The following LRRIQ1 variants were observed in gnomAD, a reference collection of about 807,000 sequenced individuals.
The protein encoded by LRRIQ1 is leucine rich repeats and IQ motif containing 1, also known as leucine-rich repeat- and IQ domain-containing protein 1.
Under a neutral mutation model 211.9 loss-of-function variants are expected in LRRIQ1, and 210 were observed. The ratio of observed to expected loss-of-function variants is 0.99; its 90% CI spans 0.89 to 1.11. LRRIQ1 has a LOEUF of 1.11. LRRIQ1 is among the 50% of genes most tolerant of loss of function. The pLI is 0.00. For synonymous variants in LRRIQ1, 699 were observed against 650.1 expected (o/e 1.08, Z -1.14); for missense variants, 2,136 against 1,939.5 (o/e 1.10, Z -1.90).
At chr12:85,090,561 C>CT (rs1397598719) in intron 11 of LRRIQ1, among the ~76,000 whole-genome samples, 16 of 152,160 alleles carry the variant, frequency 1.1e-4, no homozygotes, top group African/African-American at 3.9e-4. Context: ...TATTTTGGAG[C>CT]TTTAAGATTT....
At chr12:85,051,404 C>G (rs1326868577) in intron 6 of LRRIQ1, among the ~76,000 whole-genome samples, 1 of 152,166 alleles carries the variant, frequency 6.6e-6, no homozygotes, top group Admixed American at 6.5e-5. Flanking sequence ...GCTCACTGAT[C>G]TCATTGTCTC....
At chr12:85,141,680 G>A (rs2136584794) in intron 19 of LRRIQ1, among the ~76,000 whole-genome samples, 1 of 144,558 alleles carries the variant, frequency 6.9e-6, no homozygotes, top group East Asian at 2.1e-4. Flanking sequence ...TCTTATAACT[G>A]CATATAGTTG....
intron 24 of LRRIQ1, among the ~76,000 whole-genome samples, chr12:85,165,154 T>A (rs912628204): frequency 2.0e-5 from 3 of 152,162 alleles, no homozygotes; most frequent in Non-Finnish European, 4.4e-5. Flanking sequence ...TTCCAACTTT[T>A]ATTTTAGATT....
intron 11 of LRRIQ1, among the ~76,000 whole-genome samples, chr12:85,088,163 T>C (rs1245223646): frequency 1.3e-5 from 2 of 152,228 alleles, no homozygotes; most frequent in Non-Finnish European, 2.9e-5. Flanking sequence ...TTTCTACATA[T>C]GGCTAGTCAG....
intron 11 of LRRIQ1, among the ~76,000 whole-genome samples, chr12:85,075,459 G>A (rs1883541737): frequency 6.6e-6 from 1 of 152,054 alleles, no homozygotes; most frequent in South Asian, 2.1e-4. Context: ...TTACAATCAT[G>A]GCAGGAGGCG....
In LRRIQ1 at chr12:85,047,164, A is replaced by T. The variant is rs545901908; in HGVS notation, c.455-83A>T. 1.1e-3 allele frequency: 1,043 copies of T among 984,704 alleles called. 5 individuals carry two copies. In the African/African-American group the frequency reaches 0.022, roughly 21 times the overall value. 61.0% of individuals were successfully genotyped at this position (984,704 alleles called of 1,614,324 possible). ...CTTAAAGTAAAATTAAAAAAAAATT[A>T]AAAAAATTACTTTTATACTTTGAAT... On this transcript the variant is annotated intron_variant, in intron 5 of 26. Coordinates refer to ENST00000393217, the MANE Select transcript of LRRIQ1 (RefSeq NM_001079910.2).
chr12:85,188,861 A>G (rs1022463261), intron 24 of LRRIQ1, among the ~76,000 whole-genome samples: 1 of 152,114 alleles, frequency 6.6e-6, no homozygotes, highest in Non-Finnish European at 1.5e-5. Context: ...CCTCTATTAC[A>G]CATAAAATTT....
At chr12:85,190,794 A>G (rs1892475663) in intron 24 of LRRIQ1, among the ~76,000 whole-genome samples, 1 of 151,900 alleles carries the variant, frequency 6.6e-6, no homozygotes, top group Non-Finnish European at 1.5e-5. Flanking sequence ...TGCTGAGCAT[A>G]CAGTAGTCTT....
intron 24 of LRRIQ1, among the ~76,000 whole-genome samples, chr12:85,186,804 A>T (rs1351414520): frequency 6.6e-6 from 1 of 151,992 alleles, no homozygotes; most frequent in East Asian, 1.9e-4. Context: ...TGCCTCAGAG[A>T]AGTGCACACC....
chr12:85,067,082 A>C (rs1326175121), intron 10 of LRRIQ1, among the ~76,000 whole-genome samples, 184 bp downstream of exon 10: 1 of 151,836 alleles, frequency 6.6e-6, no homozygotes, highest in African/African-American at 2.4e-5. Context: ...ATGCTCTCCC[A>C]CCACTGGCAA....
At chr12:85,118,499 GTTTTTT>G (rs71445022) in intron 15 of LRRIQ1, among the ~76,000 whole-genome samples, 1 of 127,862 alleles carries the variant, frequency 7.8e-6, no homozygotes, top group African/African-American at 2.8e-5. Flanking sequence ...GAAAAACTAT[GTTTTTT>G]TTTTTTTTTT....
intron 24 of LRRIQ1, among the ~76,000 whole-genome samples, chr12:85,192,817 A>C (rs1193859770): frequency 9.8e-6 from 1 of 101,836 alleles, no homozygotes; most frequent in African/African-American, 3.9e-5. Flanking sequence ...ATTATATATA[A>C]ATATATATAG....
Position 85,243,202 on chromosome 12 carries a change from T to G in LRRIQ1, c.5017-1587T>G, listed in dbSNP as rs552193775. Among the ~76,000 whole-genome samples, 32 of 97,186 alleles carry G rather than the reference T, an allele frequency of 3.3e-4. No homozygotes were observed. In the East Asian group the frequency reaches 6.0e-3, roughly 18 times the overall value. The allele number at this position is 97,186 out of a possible 152,430, so 63.8% of individuals were successfully genotyped here. A position where few individuals can be genotyped will look rare whatever the true frequency, so the allele number is the denominator to read the frequency against. On this transcript the variant is annotated intron_variant, in intron 26 of 26. Transcript: ENST00000393217. ...GATATTTCCCCTTAACTTTTGACTGTTTTTTTTTTTAAGGTTTACCATTGA... is the reference window on the plus strand; with the variant it reads ...GATATTTCCCCTTAACTTTTGACTGGTTTTTTTTTTAAGGTTTACCATTGA...
chr12:85,043,689 G>A (rs1369005166), intron 3 of LRRIQ1, among the ~76,000 whole-genome samples: 1 of 152,020 alleles, frequency 6.6e-6, no homozygotes, highest in East Asian at 1.9e-4. Context: ...AAGTAACCGA[G>A]TTATTAATAA....
chr12:85,192,995 TAATATATAAATATATAATTATATAA>T (rs1268919610), intron 24 of LRRIQ1, among the ~76,000 whole-genome samples: 22,842 of 64,258 alleles, frequency 0.36, 5,681 homozygotes, highest in African/African-American at 0.54. Flanking sequence ...TTATATAATA[TAATATATAAATATATAATTATATAA>T]TATATTTATT....
chr12:85,108,531 G>C (rs750739384), intron 15 of LRRIQ1, among the ~76,000 whole-genome samples: 26 of 151,980 alleles, frequency 1.7e-4, no homozygotes, highest in Non-Finnish European at 2.8e-4. Flanking sequence ...AATTTAGATG[G>C]CTTTTTCTTA....
intron 18 of LRRIQ1, among the ~76,000 whole-genome samples, chr12:85,135,184 G>T (rs1889035382): frequency 6.6e-6 from 1 of 151,810 alleles, no homozygotes; most frequent in Non-Finnish European, 1.5e-5. Context: ...AAGTAACCAG[G>T]TCATTTGTCC....
intron 24 of LRRIQ1, among the ~76,000 whole-genome samples, chr12:85,196,885 C>T (rs1007580698): frequency 5.9e-5 from 9 of 152,138 alleles, no homozygotes; most frequent in African/African-American, 2.2e-4. Context: ...TCAGAGTCAA[C>T]AGGCAACCTA....
chr12:85,157,609 T>C (rs916595601), intron 23 of LRRIQ1, among the ~76,000 whole-genome samples: 2 of 151,998 alleles, frequency 1.3e-5, no homozygotes, highest in Non-Finnish European at 2.9e-5. Context: ...AAGAAGATCC[T>C]GTGTAAGGTG....
Sources: gnomAD v4.1 joint callset for allele counts (sites outside exome capture counted in the v4.1 genomes callset) on GRCh38, gnomAD v4.1.1 for gene constraint, MANE v1.5 for transcripts, NCBI Gene and HGNC (gene_info 2026-07-23, HGNC 2026-07-21) for gene names.